SH3YL1: variants seen among roughly 807,000 people sequenced by gnomAD.
SH3YL1 encodes SH3 and SYLF domain containing 1, also known as SH3 domain-containing YSC84-like protein 1.
A neutral mutation model predicts 45.8 loss-of-function variants in SH3YL1; 41 were observed. The ratio of observed to expected loss-of-function variants is 0.89; its 90% CI spans 0.70 to 1.16. SH3YL1 has a LOEUF of 1.16. Ranked by LOEUF, SH3YL1 falls within the 50% of genes most tolerant of loss-of-function variation. The pLI, the probability that SH3YL1 is intolerant of heterozygous loss-of-function variation, is 0.00. For synonymous variants in SH3YL1, 152 were observed against 151.4 expected (o/e 1.00, Z -0.03); for missense variants, 389 against 409.6 (o/e 0.95, Z 0.43).
chr2:229,684 C>G (rs1293851774), intron 8 of SH3YL1, among the ~76,000 whole-genome samples: 14 of 147,884 alleles, frequency 9.5e-5, no homozygotes, highest in Non-Finnish European at 1.3e-4. Context: ...AGCCGAGATC[C>G]CGCCACTGCA....
chr2:225,415 G>A (rs956641481), intron 8 of SH3YL1, among the ~76,000 whole-genome samples: 19 of 152,192 alleles, frequency 1.2e-4, no homozygotes, highest in African/African-American at 4.6e-4. Context: ...TACAGAAGAC[G>A]AAGAGCACAC....
chr2:222,628 T>C (rs1243135730), intron 9 of SH3YL1: 3 of 152,252 alleles, frequency 2.0e-5, no homozygotes, highest in African/African-American at 7.2e-5. Context: ...CCAGAGTCCC[T>C]AGAGGGAAGA....
At chr2:254,731 C>G (rs1423602742) in intron 1 of SH3YL1, among the ~76,000 whole-genome samples, 1 of 152,164 alleles carries the variant, frequency 6.6e-6, no homozygotes, top group Non-Finnish European at 1.5e-5. Flanking sequence ...ACACACCTCC[C>G]TCACAATTTG....
intron 9 of SH3YL1, chr2:222,393 G>T: frequency 6.6e-6 from 1 of 152,390 alleles, no homozygotes. Context: ...ACTGTTTCAG[G>T]AAAAAAATCA....
chr2:237,934 G>A lies in SH3YL1; in HGVS notation c.292-3662C>T, dbSNP rs895739339. On this transcript the variant is annotated intron_variant, in intron 4 of 9. Coordinates refer to ENST00000356150, the MANE Select transcript of SH3YL1 (RefSeq NM_015677.4). ...ACAGCTGCCATGCAGGGGAAGCTGCGGGAGAGAAATGTCCCTCTTCTCTGC... is the reference window on the plus strand; with the variant it reads ...ACAGCTGCCATGCAGGGGAAGCTGCAGGAGAGAAATGTCCCTCTTCTCTGC... Among the ~76,000 whole-genome samples, 9 of 151,742 alleles carry A rather than the reference G, an allele frequency of 5.9e-5. No homozygotes were observed. In the South Asian group the frequency reaches 1.2e-3, roughly 21 times the overall value.
intron 6 of SH3YL1, chr2:232,832 C>G (rs1383042446): frequency 9.6e-6 from 2 of 207,600 alleles, no homozygotes; most frequent in Non-Finnish European, 1.9e-5. Flanking sequence ...AAAAATTATG[C>G]TTAGGAAAAT....
intron 4 of SH3YL1, among the ~76,000 whole-genome samples, 183 bp downstream of exon 4, chr2:247,355 A>G (rs187207276): frequency 1.1e-4 from 17 of 152,364 alleles, no homozygotes; most frequent in African/African-American, 4.1e-4. Context: ...AAAGAAAAGG[A>G]AAGTAAATGG....
rs1322714864 is a variant in SH3YL1 at position 218,783 on chromosome 2, A to T, written c.*28T>A. 5 of 1,510,924 alleles carry T rather than the reference A, an allele frequency of 3.3e-6. No homozygotes were observed. Among genetic ancestry groups the T allele is most frequent in the Admixed American group, 2.1e-5 (1 of 48,726 alleles). The allele number at this position is 1,510,924 out of a possible 1,614,324, so 93.6% of individuals were successfully genotyped here. On this transcript the variant is annotated 3_prime_UTR_variant, in exon 10 of 10. Coordinates refer to ENST00000356150, the MANE Select transcript of SH3YL1 (RefSeq NM_015677.4). ...TCAGTGTAGAAATAATTTTTTTGTA[A>T]TTCTCAAAGAAGAAAATAGTATACG...
At chr2:248,446 T>C (rs1394577562) in intron 3 of SH3YL1, among the ~76,000 whole-genome samples, 1 of 152,210 alleles carries the variant, frequency 6.6e-6, no homozygotes, top group African/African-American at 2.4e-5. Flanking sequence ...TGTTAGGAAC[T>C]GTCCCTGTGT....
chr2:229,183 TAGAG>T (rs952122774), intron 8 of SH3YL1, among the ~76,000 whole-genome samples: 4 of 152,158 alleles, frequency 2.6e-5, no homozygotes, highest in Non-Finnish European at 5.9e-5. Flanking sequence ...AAATGAATGA[TAGAG>T]AGAAAGATAA....
chr2:245,144 T>C (rs2103041960), intron 4 of SH3YL1, among the ~76,000 whole-genome samples: 1 of 152,150 alleles, frequency 6.6e-6, no homozygotes, highest in South Asian at 2.1e-4. Flanking sequence ...TGCTTTCTGT[T>C]AACATTGAAA....
chr2:260,013 T>C (rs1459627618), intron 1 of SH3YL1: 1 of 152,152 alleles, frequency 6.6e-6, no homozygotes, highest in South Asian at 2.1e-4. Context: ...TACAAATACA[T>C]TGTAAAATAC....
At chr2:237,764 T>C (rs1163259682) in intron 4 of SH3YL1, among the ~76,000 whole-genome samples, 1 of 152,152 alleles carries the variant, frequency 6.6e-6, no homozygotes, top group East Asian at 1.9e-4. Flanking sequence ...CTTTACAAAT[T>C]GTATGCATGT....
chr2:225,464 G>A (rs1364504483), intron 8 of SH3YL1, among the ~76,000 whole-genome samples: 1 of 152,224 alleles, frequency 6.6e-6, no homozygotes, highest in Non-Finnish European at 1.5e-5. Flanking sequence ...AACTTATCCA[G>A]GAGCTGGAGA....
At chr2:250,054 G>A (rs527917954) in intron 2 of SH3YL1, among the ~76,000 whole-genome samples, 1 of 152,140 alleles carries the variant, frequency 6.6e-6, no homozygotes, top group Non-Finnish European at 1.5e-5. Context: ...TTTTTGCAGT[G>A]CTAAACACAA....
At chr2:244,197 T>G (rs1448424635) in intron 4 of SH3YL1, among the ~76,000 whole-genome samples, 9 of 135,878 alleles carry the variant, frequency 6.6e-5, no homozygotes, top group Non-Finnish European at 1.5e-4. Flanking sequence ...GTGTACAAGT[T>G]TTGTAAAAAA....
chr2:263,719 A>G, intron 1 of SH3YL1: 2 of 438,894 alleles, frequency 4.6e-6, no homozygotes, highest in Non-Finnish European at 8.1e-6. Context: ...GAAGTTAAAA[A>G]TAACACGACC....
intron 4 of SH3YL1, 33 bp from the exon 5 acceptor site, chr2:234,305 G>A (rs1668189213): frequency 7.3e-6 from 11 of 1,510,372 alleles, no homozygotes; most frequent in African/African-American, 2.8e-5. Flanking sequence ...TTTAAAAATC[G>A]TTAAGACTAA....
intron 1 of SH3YL1, among the ~76,000 whole-genome samples, 169 bp from the exon 2 acceptor site, chr2:253,284 T>C (rs538975610): frequency 1.2e-3 from 178 of 152,268 alleles, no homozygotes; most frequent in African/African-American, 4.0e-3. Flanking sequence ...TGGGCTGCAT[T>C]CCCAGAAGGT....
Sources: allele counts gnomAD v4.1 joint callset (sites outside exome capture counted in the v4.1 genomes callset), GRCh38; gene constraint gnomAD v4.1.1; transcripts MANE v1.5; gene names NCBI Gene and HGNC (gene_info 2026-07-23, HGNC 2026-07-21).